The following EAPP variants were observed in gnomAD, a reference collection of about 807,000 sequenced individuals.
EAPP encodes the protein E2F associated phosphoprotein.
A neutral mutation model predicts 34.3 loss-of-function variants in EAPP; 38 were observed. The ratio of observed to expected loss-of-function variants is 1.11; its 90% CI spans 0.85 to 1.45. The LOEUF (loss-of-function observed/expected upper bound fraction) is 1.45, where lower values mean the gene tolerates loss of function less well. Among genes scored for constraint, EAPP ranks in the 40% most tolerant of loss-of-function variants. The probability of loss-of-function intolerance (pLI) is 0.00; values close to 1 mark genes in which losing one functional copy is unlikely to be tolerated. For synonymous variants in EAPP, 113 were observed against 117.6 expected, an observed-to-expected ratio of 0.96 and a Z score of 0.25; for missense variants, 338 against 343.7, an observed-to-expected ratio of 0.98 and a Z score of 0.13.
At chr14:34,516,627 A>G in intron 5 of EAPP, 41 bp from the exon 6 acceptor site, 1 of 1,545,300 alleles carries the variant, frequency 6.5e-7, no homozygotes, top group South Asian at 1.3e-5. Context: ...TTTATGTTCT[A>G]TGTTAATAGT....
In EAPP at chr14:34,529,452, T is replaced by C. The variant is rs1173154362; in HGVS notation, c.376A>G (p.Lys126Glu). The C allele has an allele frequency of 7.4e-6, 12 of 1,612,000 alleles. No homozygotes were observed. Among genetic ancestry groups the C allele is most frequent in the Non-Finnish European group, 1.0e-5 (12 of 1,179,454 alleles). ...TTTGTTGGAATCTTGTGTTGTTTCT[T>C]CTTTTTTTTCTTGGTCACCTGTACT... ...RAVQVTKKKK[K>E]KQHKIPTNDE... The change falls in exon 4 of 6, where the codon AAG becomes GAG. Residue 126 changes from lysine to glutamate, a missense_variant. Transcript: ENST00000250454.
At position 34,539,607 on chromosome 14, in the gene EAPP, A is replaced by T. The variant is rs374235610; in HGVS notation, c.22T>A (p.Tyr8Asn). The T allele has an allele frequency of 5.1e-6, 8 of 1,582,138 alleles. No homozygotes were observed. Among genetic ancestry groups the T allele is most frequent in the Non-Finnish European group, 6.9e-6 (8 of 1,162,526 alleles). ...GGCTCTTCAACCGCGTAGGGGTCGTAGTCATCCGGAAGCCGGTTCATGGTG... is the reference window on the plus strand; with the variant it reads ...GGCTCTTCAACCGCGTAGGGGTCGTTGTCATCCGGAAGCCGGTTCATGGTG... The part of the protein sequence containing the change: MNRLPDD[Y>N]DPYAVEEPSD... The change falls in exon 1 of 6, where the codon TAC becomes AAC. Residue 8 changes from tyrosine to asparagine, a missense_variant. Physicochemically the swap from Tyr to Asn is moderately radical, Grantham distance 143. Coordinates refer to ENST00000250454, the MANE Select transcript of EAPP (RefSeq NM_018453.4).
Position 34,516,378 on chromosome 14 carries a change from T to G in EAPP, c.790A>C (p.Thr264Pro), listed in dbSNP as rs779715119. 10 of 1,614,166 alleles carry G rather than the reference T, an allele frequency of 6.2e-6. No individual in the cohort carries two copies. The Admixed American group carries it at 1.7e-4, about 27-fold the overall frequency. ...YHPVMCTECS[T>P]EVAVYDKDEV... ...TCCTTGTCGTAGACTGCCACTTCAG[T>G]GGAACATTCAGTGCACATGACTGGG... Residue 264 changes from threonine to proline, a missense_variant, in exon 6 of 6, where the codon ACT (threonine) becomes CCT (proline). By Grantham distance (38) the Thr-to-Pro change is conservative (BLOSUM62 -1). Coordinates refer to ENST00000250454, the MANE Select transcript of EAPP (RefSeq NM_018453.4).
intron 3 of EAPP, among the ~76,000 whole-genome samples, chr14:34,531,735 ATTAGTT>A (rs1227413639): frequency 1.3e-5 from 2 of 152,176 alleles, no homozygotes; most frequent in Non-Finnish European, 2.9e-5. Flanking sequence ...TACTGAAATA[ATTAGTT>A]TTAGCTCTTG....
rs149096582 is a variant in EAPP at position 34,516,479 on chromosome 14, C to T, written c.689G>A (p.Arg230Gln). 1,204 of 1,614,136 alleles carry T rather than the reference C, an allele frequency of 7.5e-4. 1 individual carries two copies. Among genetic ancestry groups the T allele is most frequent in the African/African-American group, 5.5e-3 (412 of 75,044 alleles). The change falls in exon 6 of 6, where the codon CGG (arginine) becomes CAG (glutamine). Residue 230 changes from arginine to glutamine, a missense_variant. Transcript: ENST00000250454. ...GTTAGACCTCATCTTCTTATGGACC[C>T]GCCTTTTCTTCCTGTTCTCTGAGGC... ...YKASENRKKR[R>Q]VHKKMRSNRE... is the part of the protein sequence containing the mutation.
chr14:34,525,895 C>T (rs1880078838), intron 4 of EAPP, among the ~76,000 whole-genome samples: 1 of 151,856 alleles, frequency 6.6e-6, no homozygotes. Context: ...TGGCACATGC[C>T]TGTAGTCCCA....
intron 4 of EAPP, among the ~76,000 whole-genome samples, chr14:34,525,485 G>A (rs1880064646): frequency 6.6e-6 from 1 of 152,048 alleles, no homozygotes; most frequent in South Asian, 2.1e-4. Context: ...TCCTAATTAT[G>A]AGAAAAAACA....
chr14:34,517,931 C>A (rs945990803), intron 5 of EAPP, among the ~76,000 whole-genome samples: 2 of 151,836 alleles, frequency 1.3e-5, no homozygotes, highest in Admixed American at 6.6e-5. Flanking sequence ...TACGCCACCA[C>A]ACTTGGCTCA....
intron 1 of EAPP, among the ~76,000 whole-genome samples, chr14:34,539,093 C>T (rs1055287321): frequency 5.9e-5 from 9 of 152,194 alleles, no homozygotes; most frequent in African/African-American, 2.2e-4. Context: ...TCAATATTCC[C>T]TTATTTCTGT....
chr14:34,529,347 T>C lies in EAPP; in HGVS notation c.470+11A>G, dbSNP rs370337871. The C allele has an allele frequency of 8.5e-6, 13 of 1,538,324 alleles. No homozygotes were observed. Among genetic ancestry groups the C allele is most frequent in the Non-Finnish European group, 1.2e-5 (13 of 1,120,304 alleles). On this transcript the variant is annotated intron_variant, in intron 4 of 5. Coordinates refer to ENST00000250454, the MANE Select transcript of EAPP (RefSeq NM_018453.4). ...TTCTAAAGATTCTAAATATTAACTT[T>C]AAGTTCTTACCCCCTTCTCTGTGCA...
chr14:34,522,661 C>G (rs1005780245), intron 5 of EAPP, among the ~76,000 whole-genome samples: 2 of 152,082 alleles, frequency 1.3e-5, no homozygotes, highest in African/African-American at 4.8e-5. Flanking sequence ...CTTTTTGGCA[C>G]CAGATGGCAC....
chr14:34,521,707 T>C (rs1172839431), intron 5 of EAPP, among the ~76,000 whole-genome samples: 1 of 150,346 alleles, frequency 6.7e-6, no homozygotes, highest in African/African-American at 2.4e-5. Flanking sequence ...TGATCTCGGC[T>C]CACTGCAACC....
chr14:34,521,929 C>T (rs1325754351), intron 5 of EAPP, among the ~76,000 whole-genome samples: 3 of 151,926 alleles, frequency 2.0e-5, no homozygotes, highest in Non-Finnish European at 2.9e-5. Context: ...CCACTGTGCC[C>T]GGCTGAGTTC....
At chr14:34,529,546 T>G (rs1288614104) in intron 3 of EAPP, 71 bp from the exon 4 acceptor site, 3 of 1,113,642 alleles carry the variant, frequency 2.7e-6, no homozygotes, top group Non-Finnish European at 4.0e-6. Flanking sequence ...ATGAAGAGTC[T>G]CATTTCCCAA....
intron 1 of EAPP, 182 bp from the exon 2 acceptor site, chr14:34,536,457 AATT>A: frequency 3.2e-6 from 1 of 312,086 alleles, no homozygotes; most frequent in Admixed American, 6.5e-5. Flanking sequence ...AATCTTCTTT[AATT>A]TTTTTTTTTT....
At position 34,539,217 on chromosome 14, in the gene EAPP, TC is replaced by T. The variant is rs768610783; in HGVS notation, c.74+337del. On this transcript the variant is annotated intron_variant, in intron 1 of 5. Coordinates refer to ENST00000250454, the MANE Select transcript of EAPP (RefSeq NM_018453.4). ...GGTTATACAATTATGTTATTATAGT[TC>T]AATTTTACAGGTGAGTAATCGAGGA... is the stretch of plus-strand genomic sequence containing the variant. 253 of 481,478 alleles carry T rather than the reference TC, an allele frequency of 5.3e-4. 1 individual carries two copies. The highest frequency in any genetic ancestry group is 1.2e-3 in the Middle Eastern group (4 of 3,284). The allele number at this position is 481,478 out of a possible 1,614,324, so 29.8% of individuals were successfully genotyped here. A position where few individuals can be genotyped will look rare whatever the true frequency, so the allele number is the denominator to read the frequency against.
chr14:34,523,455 G>GACCTCGTGATCCGCCC (rs1879986792), intron 5 of EAPP, among the ~76,000 whole-genome samples: 1 of 150,984 alleles, frequency 6.6e-6, no homozygotes, highest in Admixed American at 6.6e-5. Context: ...TCGATCTCCT[G>GACCTCGTGATCCGCCC]ACCTCGTGAT....
rs771668425 is a variant in EAPP, at chr14:34,521,127, G to A, written c.581+3570C>T. On this transcript the variant is annotated intron_variant, in intron 5 of 5. Transcript: ENST00000250454. ...CTTGTTGCCCAGGCTGTAGTGCAAT[G>A]GTGTGATCTCAGCTCACTGCAACCT... 2.0e-5 allele frequency among the ~76,000 whole-genome samples: 3 copies of A among 152,030 alleles called. No individual in the cohort carries two copies. The South Asian group carries it at 6.2e-4, about 32-fold the overall frequency.
Position 34,536,126 on chromosome 14 carries a change from G to A in EAPP, c.224C>T (p.Thr75Ile). 4 of 1,611,320 alleles carry A rather than the reference G, an allele frequency of 2.5e-6. No individual in the cohort carries two copies. The highest frequency in any genetic ancestry group is 1.3e-5 in the African/African-American group (1 of 74,890). The change falls in exon 2 of 6, where the codon ACA becomes ATA. Residue 75 changes from threonine (T) to isoleucine (I), a missense_variant. Thr to Ile is a moderately conservative substitution (Grantham distance 89). Coordinates refer to ENST00000250454, the MANE Select transcript of EAPP (RefSeq NM_018453.4). ...MEAELNSTMK[T>I]MEDKLSSLGT... ...CAGAGAGGATAACTTGTCCTCCATTGTTTTCATGGTAGAATTTAATTCAGC... is the reference window on the plus strand; with the variant it reads ...CAGAGAGGATAACTTGTCCTCCATTATTTTCATGGTAGAATTTAATTCAGC...
Sources: allele counts gnomAD v4.1 joint callset (sites outside exome capture counted in the v4.1 genomes callset), GRCh38; gene constraint gnomAD v4.1.1; transcripts MANE v1.5; gene names NCBI Gene and HGNC (gene_info 2026-07-23, HGNC 2026-07-21).